The following SOX5 variants were observed in gnomAD, a reference collection of about 807,000 sequenced individuals.
SOX5 encodes the protein transcription factor SOX-5.
SOX5 carries 9 observed loss-of-function variants against 92.0 expected under a neutral mutation model. The ratio of observed to expected loss-of-function variants is 0.10; its 90% CI spans 0.06 to 0.17. The LOEUF is 0.17. SOX5 is among the 10% of genes least tolerant of loss of function. SOX5 has a pLI of 1.00. For synonymous variants in SOX5, 344 were observed against 336.3 expected (o/e 1.02, Z -0.25); for missense variants, 642 against 944.5 (o/e 0.68, Z 4.20).
chr12:24,495,713 G>A (rs1006213842), intron 1 of SOX5, among the ~76,000 whole-genome samples: 2 of 152,140 alleles, frequency 1.3e-5, no homozygotes, highest in Admixed American at 1.3e-4. Flanking sequence ...ATACCAACAT[G>A]TAAAATTGCA....
intron 3 of SOX5, among the ~76,000 whole-genome samples, chr12:23,781,415 A>G (rs1468604873): frequency 6.6e-6 from 1 of 152,120 alleles, no homozygotes; most frequent in African/African-American, 2.4e-5. Context: ...GAAAACATGC[A>G]TGCTTACAAG....
rs749497533 is a variant in SOX5, at chr12:23,640,891, G to A, written c.938C>T (p.Pro313Leu). 1 of 1,611,988 alleles carries A rather than the reference G, an allele frequency of 6.2e-7. No homozygotes were observed. Among genetic ancestry groups the A allele is most frequent in the African/African-American group, 1.3e-5 (1 of 74,832 alleles). ...AGTTGGGATCAGCTGAACAGGGTAA[G>A]GGTCACCTAAGTAAGAGAATAATAG... ...GFSYKAGCSD[P>L]YPVQLIPTTM... Residue 313 changes from proline to leucine, a missense_variant, in exon 8 of 15, where the codon CCT (proline) becomes CTT (leucine). Pro to Leu is a moderately conservative substitution (Grantham distance 98). This residue lies in a region of SOX5 where 324 missense variants were observed against 461.6 expected (regional missense o/e 0.70). Transcript: ENST00000451604.
intron 2 of SOX5, among the ~76,000 whole-genome samples, chr12:23,881,038 T>G (rs181286975): frequency 1.3e-5 from 2 of 152,120 alleles, no homozygotes; most frequent in African/African-American, 4.8e-5. Flanking sequence ...AACCCCAAAA[T>G]GCTTTAAGCC....
intron 1 of SOX5, among the ~76,000 whole-genome samples, chr12:24,483,010 C>A (rs1396019222): frequency 6.6e-6 from 1 of 152,024 alleles, no homozygotes; most frequent in East Asian, 1.9e-4. Flanking sequence ...CAATCACTAC[C>A]CCAGTGTCTT....
At chr12:24,324,587 T>C (rs1461518730) in intron 2 of SOX5, among the ~76,000 whole-genome samples, 1 of 152,130 alleles carries the variant, frequency 6.6e-6, no homozygotes, top group Non-Finnish European at 1.5e-5. Flanking sequence ...TAAAACTCTA[T>C]ATCCTCTCAT....
chr12:23,744,945 C>T (rs557077556), intron 4 of SOX5, among the ~76,000 whole-genome samples: 16 of 152,260 alleles, frequency 1.1e-4, no homozygotes, highest in Middle Eastern at 3.4e-3. Context: ...GTGTTCACAT[C>T]GTCTCGGTCT....
intron 1 of SOX5, among the ~76,000 whole-genome samples, chr12:24,495,415 G>A (rs982154248): frequency 4.6e-5 from 7 of 152,144 alleles, no homozygotes; most frequent in African/African-American, 1.7e-4. Context: ...ACTACAAAGA[G>A]CCCAAAAGGT....
chr12:24,121,935 G>C, intron 4 of SOX5, among the ~76,000 whole-genome samples: 1 of 135,588 alleles, frequency 7.4e-6, no homozygotes, highest in Non-Finnish European at 1.6e-5. Context: ...TTGTATTGAA[G>C]ATAAATCTGG....
chr12:24,475,570 C>T (rs1313332456), intron 1 of SOX5, among the ~76,000 whole-genome samples: 2 of 152,206 alleles, frequency 1.3e-5, no homozygotes, highest in Non-Finnish European at 2.9e-5. Context: ...TGACCATCCT[C>T]GGCTTCATCA....
intron 4 of SOX5, among the ~76,000 whole-genome samples, chr12:24,116,095 G>T (rs1004231581): frequency 6.6e-6 from 1 of 152,010 alleles, no homozygotes; most frequent in Non-Finnish European, 1.5e-5. Context: ...AAGATGGGGG[G>T]AAAAGAGCTG....
intron 1 of SOX5, among the ~76,000 whole-genome samples, chr12:23,939,728 A>C (rs1366442724): frequency 6.6e-6 from 1 of 150,930 alleles, no homozygotes; most frequent in South Asian, 2.1e-4. Context: ...CAATATATGA[A>C]GCTTGTTCTC....
At chr12:23,620,246 C>T (rs910423080) in intron 8 of SOX5, among the ~76,000 whole-genome samples, 1 of 151,986 alleles carries the variant, frequency 6.6e-6, no homozygotes, top group African/African-American at 2.4e-5. Flanking sequence ...AGACGCAGTG[C>T]AGTGGGAGAG....
At chr12:23,765,312 G>A (rs1450472174) in intron 3 of SOX5, among the ~76,000 whole-genome samples, 2 of 125,354 alleles carry the variant, frequency 1.6e-5, no homozygotes, top group Non-Finnish European at 3.1e-5. Flanking sequence ...ACTTCGATAC[G>A]ATCTAATCAA....
At chr12:23,965,887 G>C (rs1201646726) in intron 4 of SOX5, among the ~76,000 whole-genome samples, 1 of 152,086 alleles carries the variant, frequency 6.6e-6, no homozygotes, top group Non-Finnish European at 1.5e-5. Flanking sequence ...CCAAAGTGCA[G>C]GGATTGCAGC....
Position 23,532,658 on chromosome 12 carries a change from G to T in SOX5, c.*1561C>A, listed in dbSNP as rs1939343964. On this transcript the variant is annotated 3_prime_UTR_variant, in exon 15 of 15. Transcript: ENST00000451604. ...GGCAAGGATCCCTGGGTGCAGCCAG[G>T]CTCCATTTTATTGGGCTGCAATGAC... is the stretch of plus-strand genomic sequence containing the variant. 6.6e-6 allele frequency: 1 copy of T among 152,238 alleles called. No individual in the cohort carries two copies. The highest frequency in any genetic ancestry group is 2.4e-5 in the African/African-American group (1 of 41,420). The allele number at this position is 152,238 out of a possible 1,614,324, so 9.4% of individuals were successfully genotyped here.
intron 2 of SOX5, among the ~76,000 whole-genome samples, chr12:24,350,598 C>A (rs890331986): frequency 6.6e-6 from 1 of 152,168 alleles, no homozygotes; most frequent in African/African-American, 2.4e-5. Flanking sequence ...CCTGCTTTGG[C>A]CTCCCTTAGT....
chr12:23,980,007 C>T (rs1257940547), intron 4 of SOX5, among the ~76,000 whole-genome samples: 2 of 150,872 alleles, frequency 1.3e-5, no homozygotes, highest in Admixed American at 1.3e-4. Flanking sequence ...GACAGAATCT[C>T]GCTATATTGC....
chr12:24,402,801 A>G lies in SOX5; in HGVS notation c.-250-34162T>C, dbSNP rs141531162. On this transcript the variant is annotated intron_variant, in intron 1 of 4. Transcript: ENST00000446891. Reference sequence around the variant, plus strand: ...TGCAGAAACACAATTTAGGGTCCCTACTAAAATACTGCTAGGAACCCATGC... The same window carrying G: ...TGCAGAAACACAATTTAGGGTCCCTGCTAAAATACTGCTAGGAACCCATGC... Among the ~76,000 whole-genome samples, 1,138 of 152,314 alleles carry G rather than the reference A, an allele frequency of 7.5e-3. 8 individuals are homozygous for G. The highest frequency in any genetic ancestry group is 0.017 in the Admixed American group (259 of 15,294).
chr12:24,475,621 A>G (rs1460156375), intron 1 of SOX5, among the ~76,000 whole-genome samples: 1 of 152,202 alleles, frequency 6.6e-6, no homozygotes, highest in East Asian at 1.9e-4. Context: ...GCTAGACTAC[A>G]CTTCATAAAG....
Sources: gnomAD v4.1 joint callset for allele counts (sites outside exome capture counted in the v4.1 genomes callset) on GRCh38, gnomAD v4.1.1 for gene constraint, gnomAD v4.1.1 regional missense constraint, MANE v1.5 for transcripts, NCBI Gene and HGNC (gene_info 2026-07-23, HGNC 2026-07-21) for gene names.